The following TNFAIP8L2 variants were observed in gnomAD, a reference collection of about 807,000 sequenced individuals.
TNFAIP8L2 encodes the protein tumor necrosis factor alpha-induced protein 8-like protein 2.
In TNFAIP8L2, 2 loss-of-function variants were observed where a neutral mutation model predicts 5.6. The observed-to-expected ratio is 0.36, with a 90% confidence interval of 0.15 to 1.13. The LOEUF (loss-of-function observed/expected upper bound fraction) is 1.13. Among genes scored for constraint, TNFAIP8L2 ranks in the 50% most tolerant of loss-of-function variants. The probability of loss-of-function intolerance (pLI) is 0.40; values close to 1 mark genes in which losing one functional copy is unlikely to be tolerated. For missense variants in TNFAIP8L2, 216 were observed against 241.8 expected (o/e 0.89, Z 0.71); for synonymous variants, 91 against 101.1 (o/e 0.90, Z 0.60).
chr1:151,158,640 A>C, intron 1 of TNFAIP8L2, 26 bp from the exon 2 acceptor site: 1 of 1,413,850 alleles, frequency 7.1e-7, no homozygotes, highest in Non-Finnish European at 9.6e-7. Flanking sequence ...CTCTCTTTCT[A>C]AGGAAGCCTG....
At position 151,158,847 on chromosome 1, in the gene TNFAIP8L2, G is replaced by A. The variant is rs755895488; in HGVS notation, c.150G>A (p.Thr50=). 13 of 1,614,066 alleles carry A rather than the reference G, an allele frequency of 8.1e-6. No homozygotes were observed. Among genetic ancestry groups the A allele is most frequent in the East Asian group, 4.5e-5 (2 of 44,882 alleles). ...TCTACCGTGTGTCCAAGGAGTACAC[G>A]CACAGCCGGCCCCAGGCCCAGCGCG... ...DELYRVSKEY[T]HSRPQAQRVI... is the part of the protein sequence containing the mutation. Residue 50 remains threonine, a synonymous_variant, in exon 2 of 2, where the codon ACG becomes ACA. Coordinates refer to ENST00000368910, the MANE Select transcript of TNFAIP8L2 (RefSeq NM_024575.5).
Position 151,158,737 on chromosome 1 carries a change from G to A in TNFAIP8L2, c.40G>A (p.Glu14Lys). ...FSSKSLALQA[E>K]KKLLSKMAGR... ...CTCAAAGAGCCTGGCACTGCAAGCAGAGAAGAAGCTACTGAGTAAGATGGC... is the reference window on the plus strand; with the variant it reads ...CTCAAAGAGCCTGGCACTGCAAGCAAAGAAGAAGCTACTGAGTAAGATGGC... The change falls in exon 2 of 2, where the codon GAG becomes AAG. Residue 14 changes from glutamate to lysine, a missense_variant. Transcript: ENST00000368910. The A allele has an allele frequency of 6.2e-7, 1 of 1,612,320 alleles. No homozygotes were observed. Among genetic ancestry groups the A allele is most frequent in the Non-Finnish European group, 8.5e-7 (1 of 1,178,860 alleles).
In TNFAIP8L2 at chr1:151,159,087, G is replaced by C; in HGVS notation, c.390G>C (p.Leu130Phe). The change falls in exon 2 of 2, where the codon TTG becomes TTC. Residue 130 changes from leucine (L) to phenylalanine (F), a missense_variant. Coordinates refer to ENST00000368910, the MANE Select transcript of TNFAIP8L2 (RefSeq NM_024575.5). ...AGTGCCGGGATGTGCTGCTAGAGTT[G>C]GTGGAACACCACCTCACGCCCAAGT... is the stretch of plus-strand genomic sequence containing the variant. Reference protein sequence around the residue: ...LTECRDVLLELVEHHLTPKSH... With the variant: ...LTECRDVLLEFVEHHLTPKSH... 1 of 1,614,132 alleles carries C rather than the reference G, an allele frequency of 6.2e-7. No individual in the cohort carries two copies. The highest frequency in any genetic ancestry group is 1.1e-5 in the South Asian group (1 of 91,086).
Position 151,158,927 on chromosome 1 carries a change from G to A in TNFAIP8L2, c.230G>A (p.Gly77Asp), listed in dbSNP as rs1339112535. The A allele has an allele frequency of 1.2e-6, 2 of 1,614,248 alleles. No homozygotes were observed. Among genetic ancestry groups the A allele is most frequent in the South Asian group, 2.2e-5 (2 of 91,090 alleles). ...AIKVAVLHRN[G>D]SFGPSELALA... ...AAGGTGGCTGTGCTGCACCGCAATG[G>A]CTCCTTTGGCCCCAGTGAGCTGGCC... The change falls in exon 2 of 2, where the codon GGC becomes GAC. Residue 77 changes from glycine to aspartate, a missense_variant. Physicochemically the swap from Gly to Asp is moderately conservative, Grantham distance 94. Transcript: ENST00000368910.
chr1:151,156,855 T>C (rs974952879), intron 1 of TNFAIP8L2, 133 bp downstream of exon 1: 1 of 152,352 alleles, frequency 6.6e-6, no homozygotes, highest in Non-Finnish European at 1.5e-5. Flanking sequence ...TTGTAGAGCT[T>C]AGCTTAGTTT....
chr1:151,157,406 G>C (rs955144185), intron 1 of TNFAIP8L2, among the ~76,000 whole-genome samples: 27 of 152,082 alleles, frequency 1.8e-4, no homozygotes, highest in African/African-American at 6.5e-4. Flanking sequence ...GGAGGGGGAA[G>C]TAAGAAGCAA....
At position 151,159,405 on chromosome 1, in the gene TNFAIP8L2, C is replaced by A; in HGVS notation, c.*153C>A. 1.3e-6 allele frequency: 1 copy of A among 761,988 alleles called. No individual in the cohort carries two copies. Among genetic ancestry groups the A allele is most frequent in the Non-Finnish European group, 2.1e-6 (1 of 473,070 alleles). 47.2% of individuals were successfully genotyped at this position (761,988 alleles called of 1,614,324 possible). Reference sequence around the variant, plus strand: ...AGTGCTTTTGACTCTGAGACCAGCCCACCCCCAAACAGCTAGTGGAGAAGG... The same window carrying A: ...AGTGCTTTTGACTCTGAGACCAGCCAACCCCCAAACAGCTAGTGGAGAAGG... On this transcript the variant is annotated 3_prime_UTR_variant, in exon 2 of 2. Transcript: ENST00000368910.
chr1:151,158,409 T>G (rs1376876772), intron 1 of TNFAIP8L2, among the ~76,000 whole-genome samples: 1 of 151,950 alleles, frequency 6.6e-6, no homozygotes, highest in Non-Finnish European at 1.5e-5. Context: ...AGATGTAACT[T>G]GTGCTAGGCT....
chr1:151,158,310 A>G (rs936169944), intron 1 of TNFAIP8L2, among the ~76,000 whole-genome samples: 1 of 150,880 alleles, frequency 6.6e-6, no homozygotes, highest in African/African-American at 2.5e-5. Context: ...GTGACAAAGC[A>G]AGACTCCGTC....
chr1:151,158,047 G>A (rs1683284900), intron 1 of TNFAIP8L2, among the ~76,000 whole-genome samples: 1 of 152,226 alleles, frequency 6.6e-6, no homozygotes, highest in South Asian at 2.1e-4. Flanking sequence ...CTGTCAGGCT[G>A]GGCGTGGTGG....
Position 151,158,777 on chromosome 1 carries a change from CTCATCT to C in TNFAIP8L2, c.81_86del (p.His28_Leu29del). ...AGTAAGATGGCGGGTCGCTCTGTGGCTCATCTCTTCATAGATGAGACAAGCAGTGAG... is the reference window on the plus strand; with the variant it reads ...AGTAAGATGGCGGGTCGCTCTGTGGCCTTCATAGATGAGACAAGCAGTGAG... On this transcript the variant is annotated inframe_deletion, in exon 2 of 2. Coordinates refer to ENST00000368910, the MANE Select transcript of TNFAIP8L2 (RefSeq NM_024575.5). 3 of 1,614,088 alleles carry C rather than the reference CTCATCT, an allele frequency of 1.9e-6. No homozygotes were observed. Among genetic ancestry groups the C allele is most frequent in the Non-Finnish European group, 2.5e-6 (3 of 1,180,012 alleles).
chr1:151,158,541 T>G, intron 1 of TNFAIP8L2, 125 bp from the exon 2 acceptor site: 1 of 693,546 alleles, frequency 1.4e-6, no homozygotes, highest in Non-Finnish European at 2.4e-6. Flanking sequence ...CATAGAGGAC[T>G]GAGGGGCCCC....
intron 1 of TNFAIP8L2, among the ~76,000 whole-genome samples, chr1:151,157,230 C>T (rs1683254831): frequency 6.6e-6 from 1 of 152,182 alleles, no homozygotes; most frequent in African/African-American, 2.4e-5. Flanking sequence ...AGCCCCAAGG[C>T]AAGCTGGGAG....
chr1:151,156,960 T>G (rs1683243148), intron 1 of TNFAIP8L2, among the ~76,000 whole-genome samples: 1 of 151,900 alleles, frequency 6.6e-6, no homozygotes, highest in Non-Finnish European at 1.5e-5. Flanking sequence ...TATGGATGTG[T>G]GCGAAATGCA....
chr1:151,159,288 T>C lies in TNFAIP8L2; in HGVS notation c.*36T>C. 2 of 1,574,446 alleles carry C rather than the reference T, an allele frequency of 1.3e-6. No individual in the cohort carries two copies. Among genetic ancestry groups the C allele is most frequent in the Non-Finnish European group, 1.7e-6 (2 of 1,156,784 alleles). On this transcript the variant is annotated 3_prime_UTR_variant, in exon 2 of 2. Coordinates refer to ENST00000368910, the MANE Select transcript of TNFAIP8L2 (RefSeq NM_024575.5). ...CCTAGCACATTCCACCTTGACAAAATGGTTGACTGAGAAAACACAGATAAT... is the reference window on the plus strand; with the variant it reads ...CCTAGCACATTCCACCTTGACAAAACGGTTGACTGAGAAAACACAGATAAT...
chr1:151,157,355 CT>C (rs1360570002), intron 1 of TNFAIP8L2, among the ~76,000 whole-genome samples: 1 of 152,218 alleles, frequency 6.6e-6, no homozygotes, highest in Non-Finnish European at 1.5e-5. Flanking sequence ...GAGGGCGAGG[CT>C]GCTCCTCACT....
In TNFAIP8L2 at chr1:151,159,132, C is replaced by T. The variant is rs1186886111; in HGVS notation, c.435C>T (p.His145=). ...LTPKSHGRIR[H]VFDHFSDPGL... ...CCAAGTCACATGGCCGCATCCGCCA[C>T]GTGTTTGATCACTTCTCTGACCCAG... Residue 145 remains histidine (H), a synonymous_variant, in exon 2 of 2, where the codon CAC becomes CAT. Coordinates refer to ENST00000368910, the MANE Select transcript of TNFAIP8L2 (RefSeq NM_024575.5). 14 of 1,614,080 alleles carry T rather than the reference C, an allele frequency of 8.7e-6. No homozygotes were observed. Among genetic ancestry groups the T allele is most frequent in the African/African-American group, 2.7e-5 (2 of 74,948 alleles).
At chr1:151,157,988 C>G (rs1683282020) in intron 1 of TNFAIP8L2, among the ~76,000 whole-genome samples, 1 of 152,190 alleles carries the variant, frequency 6.6e-6, no homozygotes, top group Non-Finnish European at 1.5e-5. Context: ...CTATGCCACA[C>G]AGACATATGG....
intron 1 of TNFAIP8L2, 77 bp downstream of exon 1, chr1:151,156,799 A>G (rs587652982): frequency 6.6e-6 from 1 of 152,338 alleles, no homozygotes; most frequent in Non-Finnish European, 1.5e-5. Context: ...TTTCAGTCTT[A>G]GCTTTTCATA....
Sources: allele counts gnomAD v4.1 joint callset (sites outside exome capture counted in the v4.1 genomes callset), GRCh38; gene constraint gnomAD v4.1.1; transcripts MANE v1.5; gene names NCBI Gene and HGNC (gene_info 2026-07-23, HGNC 2026-07-21).